CSNK2A2IP: variants seen among roughly 807,000 people sequenced by gnomAD.
CSNK2A2IP encodes casein kinase 2 subunit alpha' interacting protein, also known as casein kinase II subunit alpha'-interacting protein.
the CSNK2A2IP span, among the ~76,000 whole-genome samples, chr3:88,379,099 C>T: frequency 1.3e-5 from 2 of 151,890 alleles, no homozygotes; most frequent in African/African-American, 4.8e-5. Flanking sequence ...ATGATCTTCG[C>T]TCCAAAGTCA....
chr3:88,388,445 TAC>T, the CSNK2A2IP span, among the ~76,000 whole-genome samples: 4 of 152,234 alleles, frequency 2.6e-5, no homozygotes, highest in Non-Finnish European at 5.9e-5. Flanking sequence ...GTCAAAATGT[TAC>T]AGTCTTTGGT....
At chr3:88,451,861 T>G in the CSNK2A2IP span, among the ~76,000 whole-genome samples, 1 of 152,082 alleles carries the variant, frequency 6.6e-6, no homozygotes, top group African/African-American at 2.4e-5. Context: ...TTCCCTTCCT[T>G]AAGTTTGGAC....
the CSNK2A2IP span, among the ~76,000 whole-genome samples, chr3:88,363,287 T>C: frequency 2.6e-5 from 4 of 152,230 alleles, no homozygotes; most frequent in Non-Finnish European, 5.9e-5. Flanking sequence ...CCTATACTTA[T>C]ATTCTCAAAT....
the CSNK2A2IP span, among the ~76,000 whole-genome samples, chr3:88,458,654 C>G: frequency 6.6e-6 from 1 of 151,802 alleles, no homozygotes; most frequent in Non-Finnish European, 1.5e-5. Context: ...AAGCTAATGT[C>G]ATTAATTTGA....
At chr3:88,361,293 G>A in the CSNK2A2IP span, among the ~76,000 whole-genome samples, 2 of 152,120 alleles carry the variant, frequency 1.3e-5, no homozygotes, top group African/African-American at 2.4e-5. Context: ...TTGTAAGATA[G>A]GGCTGGTTTT....
At chr3:88,388,223 C>T in the CSNK2A2IP span, among the ~76,000 whole-genome samples, 2,472 of 152,242 alleles carry the variant, frequency 0.016, 87 homozygotes, top group African/African-American at 0.057. Context: ...AAATCATACA[C>T]ACAAAAACAC....
chr3:88,377,255 T>G, the CSNK2A2IP span, among the ~76,000 whole-genome samples: 2 of 151,880 alleles, frequency 1.3e-5, no homozygotes, highest in Admixed American at 6.6e-5. Flanking sequence ...CCATCATCAT[T>G]CTTCCCAAAC....
chr3:88,412,830 T>C, the CSNK2A2IP span, among the ~76,000 whole-genome samples: 1 of 152,044 alleles, frequency 6.6e-6, no homozygotes, highest in Non-Finnish European at 1.5e-5. Context: ...TATTTCTGTA[T>C]CTAAATATAG....
the CSNK2A2IP span, among the ~76,000 whole-genome samples, chr3:88,367,584 CTG>C: frequency 1.3e-5 from 2 of 152,076 alleles, no homozygotes; most frequent in East Asian, 3.9e-4. Flanking sequence ...ACTCAGAAAT[CTG>C]TGTTTTCAAA....
the CSNK2A2IP span, among the ~76,000 whole-genome samples, chr3:88,464,307 G>T: frequency 7.4e-6 from 1 of 135,990 alleles, no homozygotes; most frequent in Non-Finnish European, 1.6e-5. Context: ...AAAACTTAAG[G>T]TATAATAATA....
At chr3:88,453,894 G>T in the CSNK2A2IP span, among the ~76,000 whole-genome samples, 25 of 151,974 alleles carry the variant, frequency 1.6e-4, no homozygotes, top group African/African-American at 5.8e-4. Flanking sequence ...AAAAAGCTGC[G>T]ATGAACATAT....
the CSNK2A2IP span, among the ~76,000 whole-genome samples, chr3:88,369,163 G>A: frequency 6.6e-6 from 1 of 152,016 alleles, no homozygotes; most frequent in Admixed American, 6.6e-5. Context: ...ATCAGCTACA[G>A]CTACTATGGC....
the CSNK2A2IP span, among the ~76,000 whole-genome samples, chr3:88,407,144 T>C: frequency 6.6e-6 from 1 of 152,146 alleles, no homozygotes. Context: ...CAGGAGCTTT[T>C]CAATCCTACC....
chr3:88,467,255 C>T, the CSNK2A2IP span: 1 of 401,030 alleles, frequency 2.5e-6, no homozygotes. Context: ...GCCTCTGCCT[C>T]TTCTGACTCC....
the CSNK2A2IP span, chr3:88,465,251 T>C: frequency 2.8e-5 from 16 of 569,922 alleles, no homozygotes; most frequent in Admixed American, 4.4e-5. Flanking sequence ...CTAGCAACTG[T>C]TATGTAAAAG....
chr3:88,413,084 A>G, the CSNK2A2IP span, among the ~76,000 whole-genome samples: 1 of 151,994 alleles, frequency 6.6e-6, no homozygotes, highest in Non-Finnish European at 1.5e-5. Flanking sequence ...GTGAAAGTTG[A>G]ATTAGTATAT....
chr3:88,344,853 A>G, the CSNK2A2IP span, among the ~76,000 whole-genome samples: 1 of 151,968 alleles, frequency 6.6e-6, no homozygotes, highest in East Asian at 1.9e-4. Flanking sequence ...TGAAAATGCA[A>G]ATTAATTGTG....
At chr3:88,413,164 C>T in the CSNK2A2IP span, among the ~76,000 whole-genome samples, 38 of 152,098 alleles carry the variant, frequency 2.5e-4, 1 homozygote, top group Middle Eastern at 3.4e-3. Context: ...TGATATAATG[C>T]ATTGGGAAAT....
chr3:88,460,611 A>G, the CSNK2A2IP span, among the ~76,000 whole-genome samples: 439 of 152,284 alleles, frequency 2.9e-3, 2 homozygotes, highest in African/African-American at 9.9e-3. Context: ...AAAGGAACAA[A>G]CAAAAATACA....
Sources: allele counts gnomAD v4.1 joint callset (sites outside exome capture counted in the v4.1 genomes callset), GRCh38; gene constraint gnomAD v4.1.1; transcripts MANE v1.5; gene names NCBI Gene and HGNC (gene_info 2026-07-23, HGNC 2026-07-21).